CDH13: variants seen among roughly 807,000 people sequenced by gnomAD.
The protein encoded by CDH13 is cadherin-13.
Under a neutral mutation model 63.8 loss-of-function variants are expected in CDH13, and 24 were observed. The ratio of observed to expected loss-of-function variants is 0.38; its 90% CI spans 0.27 to 0.53. The LOEUF (loss-of-function observed/expected upper bound fraction) is 0.53, where lower values mean the gene tolerates loss of function less well. Ranked by LOEUF, CDH13 falls within the 20% of genes least tolerant of loss-of-function variation. CDH13 has a pLI of 0.85. For missense variants in CDH13, 1,049 were observed against 903.1 expected, an observed-to-expected ratio of 1.16 and a Z score of -2.07; for synonymous variants, 503 against 355.3, an observed-to-expected ratio of 1.42 and a Z score of -4.67.
intron 4 of CDH13, among the ~76,000 whole-genome samples, chr16:83,185,075 G>C (rs936383884): frequency 6.6e-6 from 1 of 151,944 alleles, no homozygotes; most frequent in African/African-American, 2.4e-5. Context: ...TGGTAAGGCC[G>C]ATACTACTAC....
chr16:82,844,075 C>G (rs28733955), intron 1 of CDH13, among the ~76,000 whole-genome samples: 9 of 151,976 alleles, frequency 5.9e-5, no homozygotes, highest in Non-Finnish European at 1.2e-4. Context: ...TCTACATCCT[C>G]ATTTTCAGAA....
intron 5 of CDH13, among the ~76,000 whole-genome samples, chr16:83,238,740 TTTTGTTTGTTTGTTTG>T (rs112488110): frequency 2.0e-5 from 3 of 150,662 alleles, no homozygotes; most frequent in Non-Finnish European, 4.4e-5. Context: ...ATATGTGTTT[TTTTGTTTGTTTGTTTG>T]TTTGTTTGTT....
chr16:83,387,587 G>A (rs2091699766), intron 6 of CDH13, among the ~76,000 whole-genome samples: 1 of 152,210 alleles, frequency 6.6e-6, no homozygotes. Flanking sequence ...CTGAAAAAAT[G>A]TAAATGGGAT....
intron 1 of CDH13, chr16:82,823,555 C>T (rs922351217): frequency 1.3e-5 from 2 of 152,140 alleles, no homozygotes; most frequent in African/African-American, 2.4e-5. Context: ...GGAACTACCC[C>T]TAGTTATTTT....
At chr16:83,194,446 G>C (rs16959724) in intron 4 of CDH13, among the ~76,000 whole-genome samples, 2 of 152,206 alleles carry the variant, frequency 1.3e-5, no homozygotes, top group East Asian at 1.9e-4. Flanking sequence ...GAGAAAACCC[G>C]ATTAGGAAGG....
intron 1 of CDH13, among the ~76,000 whole-genome samples, chr16:82,828,122 C>T (rs1048840108): frequency 1.3e-5 from 2 of 152,174 alleles, no homozygotes; most frequent in African/African-American, 4.8e-5. Flanking sequence ...TTTGATTAGA[C>T]AGCTTTCTAT....
At chr16:83,209,175 A>T (rs1393403385) in intron 4 of CDH13, among the ~76,000 whole-genome samples, 1 of 152,152 alleles carries the variant, frequency 6.6e-6, no homozygotes, top group Non-Finnish European at 1.5e-5. Context: ...AACCACCTGT[A>T]AAAGGCATGC....
chr16:83,631,643 G>C (rs1172602922), intron 8 of CDH13, among the ~76,000 whole-genome samples: 1 of 152,076 alleles, frequency 6.6e-6, no homozygotes, highest in Non-Finnish European at 1.5e-5. Context: ...ATGCGCCAAC[G>C]AGATGCTCCT....
At chr16:83,540,488 C>G (rs2075278772) in intron 7 of CDH13, among the ~76,000 whole-genome samples, 2 of 152,190 alleles carry the variant, frequency 1.3e-5, no homozygotes, top group Admixed American at 1.3e-4. Context: ...ACAAAGGGCT[C>G]TAGAAGCTCA....
At chr16:83,104,231 C>T (rs1469815997) in intron 3 of CDH13, among the ~76,000 whole-genome samples, 2 of 152,126 alleles carry the variant, frequency 1.3e-5, no homozygotes, top group African/African-American at 2.4e-5. Flanking sequence ...TGGAACTTTT[C>T]CTTGTTTTTC....
intron 5 of CDH13, among the ~76,000 whole-genome samples, chr16:83,314,807 T>G (rs1306839015): frequency 6.6e-6 from 1 of 152,260 alleles, no homozygotes; most frequent in East Asian, 1.9e-4. Flanking sequence ...TGCAACTTCA[T>G]TCTAAGAGCT....
At chr16:82,792,338 A>G (rs1248629658) in intron 1 of CDH13, among the ~76,000 whole-genome samples, 2 of 152,156 alleles carry the variant, frequency 1.3e-5, no homozygotes, top group East Asian at 3.9e-4. Context: ...GGTAAAAAAC[A>G]CACTAGCCTA....
chr16:83,535,441 T>A (rs1489951372), intron 7 of CDH13, among the ~76,000 whole-genome samples: 2 of 152,192 alleles, frequency 1.3e-5, no homozygotes, highest in African/African-American at 4.8e-5. Context: ...GTTAGGAAGC[T>A]GTTGCAATAG....
chr16:82,705,617 G>C (rs977112226), intron 1 of CDH13, among the ~76,000 whole-genome samples: 6 of 151,930 alleles, frequency 3.9e-5, no homozygotes, highest in African/African-American at 1.5e-4. Flanking sequence ...TTTTTTGGTA[G>C]GGACACATTT....
chr16:83,286,298 T>C (rs1444292855), intron 5 of CDH13, among the ~76,000 whole-genome samples: 1 of 152,190 alleles, frequency 6.6e-6, no homozygotes, highest in Non-Finnish European at 1.5e-5. Context: ...CAGTTGACTT[T>C]ACTTTGACAA....
At chr16:82,950,909 G>A (rs1400324220) in intron 2 of CDH13, among the ~76,000 whole-genome samples, 1 of 150,564 alleles carries the variant, frequency 6.6e-6, no homozygotes, top group Non-Finnish European at 1.5e-5. Flanking sequence ...TGATCATAAA[G>A]AGAAGGAAAC....
chr16:83,690,139 C>T (rs1364300376), intron 10 of CDH13, among the ~76,000 whole-genome samples: 2 of 152,154 alleles, frequency 1.3e-5, no homozygotes, highest in Non-Finnish European at 2.9e-5. Flanking sequence ...CGCCACTGCA[C>T]TCCAGCCTAG....
intron 4 of CDH13, among the ~76,000 whole-genome samples, chr16:83,193,316 C>T (rs942802027): frequency 6.6e-6 from 1 of 151,800 alleles, no homozygotes; most frequent in Non-Finnish European, 1.5e-5. Context: ...GAGCTGAGGG[C>T]TAGAGAGGTT....
intron 5 of CDH13, among the ~76,000 whole-genome samples, chr16:83,283,669 C>G (rs1036372377): frequency 6.6e-6 from 1 of 152,132 alleles, no homozygotes; most frequent in East Asian, 1.9e-4. Flanking sequence ...AGTGTTCTTA[C>G]AGTGGTGCCT....
Sources: gnomAD v4.1 joint callset for allele counts (sites outside exome capture counted in the v4.1 genomes callset) on GRCh38, gnomAD v4.1.1 for gene constraint, MANE v1.5 for transcripts, NCBI Gene and HGNC (gene_info 2026-07-23, HGNC 2026-07-21) for gene names.